Variants in MAD1L1 observed in about 807,000 individuals in gnomAD.
MAD1L1 encodes the protein mitotic arrest deficient 1 like 1, also known as mitotic spindle assembly checkpoint protein MAD1.
Under a neutral mutation model 96.9 loss-of-function variants are expected in MAD1L1, and 95 were observed. That is an observed-to-expected ratio of 0.98 (90% CI 0.83 to 1.16). The LOEUF (loss-of-function observed/expected upper bound fraction) is 1.16. Among genes scored for constraint, MAD1L1 ranks in the 50% most tolerant of loss-of-function variants. MAD1L1 has a pLI of 0.00. For missense variants in MAD1L1, 1,007 were observed against 954.4 expected, an observed-to-expected ratio of 1.06 and a Z score of -0.73; for synonymous variants, 473 against 396.6, an observed-to-expected ratio of 1.19 and a Z score of -2.29.
chr7:1,887,811 G>GCA (rs1471824097), intron 18 of MAD1L1, among the ~76,000 whole-genome samples: 8 of 76,642 alleles, frequency 1.0e-4, no homozygotes, highest in East Asian at 3.8e-4. Flanking sequence ...GGCTGCCTGT[G>GCA]TGTGTGTGCA....
At chr7:2,117,835 G>A (rs1359083958) in intron 11 of MAD1L1, among the ~76,000 whole-genome samples, 1 of 152,154 alleles carries the variant, frequency 6.6e-6, no homozygotes, top group Non-Finnish European at 1.5e-5. Context: ...GAGGACAGCA[G>A]CAGGAAGCAC....
At chr7:2,150,796 G>A (rs1274690647) in intron 10 of MAD1L1, among the ~76,000 whole-genome samples, 3 of 152,294 alleles carry the variant, frequency 2.0e-5, no homozygotes, top group South Asian at 2.1e-4. Flanking sequence ...CACAGAGCAC[G>A]CCACGGCCTT....
intron 11 of MAD1L1, among the ~76,000 whole-genome samples, chr7:2,077,758 G>C (rs1785447644): frequency 6.6e-6 from 1 of 152,200 alleles, no homozygotes; most frequent in African/African-American, 2.4e-5. Flanking sequence ...CCAGTGGACA[G>C]CCTGCCCTGC....
At chr7:1,827,504 G>C (rs1317963454) in intron 18 of MAD1L1, among the ~76,000 whole-genome samples, 4 of 141,532 alleles carry the variant, frequency 2.8e-5, no homozygotes, top group African/African-American at 5.3e-5. Flanking sequence ...CCCGTCCCGG[G>C]TGTGGGGTCC....
intron 11 of MAD1L1, among the ~76,000 whole-genome samples, chr7:2,092,202 T>C (rs1318818781): frequency 6.6e-6 from 1 of 152,256 alleles, no homozygotes. Flanking sequence ...TGTGGCCATG[T>C]CTCATGGTTG....
At chr7:1,980,858 A>C in intron 14 of MAD1L1, 3 of 461,182 alleles carry the variant, frequency 6.5e-6, no homozygotes, top group South Asian at 5.6e-5. Context: ...AGCACGCTCC[A>C]ACGCTGCCGT....
chr7:2,064,188 C>T (rs566021247), intron 12 of MAD1L1, among the ~76,000 whole-genome samples: 1 of 152,258 alleles, frequency 6.6e-6, no homozygotes, highest in African/African-American at 2.4e-5. Flanking sequence ...CTCAGGCAGC[C>T]GAGTGAATAC....
At chr7:1,874,813 A>G (rs1401517707) in intron 18 of MAD1L1, among the ~76,000 whole-genome samples, 1 of 151,870 alleles carries the variant, frequency 6.6e-6, no homozygotes, top group Non-Finnish European at 1.5e-5. Flanking sequence ...GATGGTAGAG[A>G]GGAGGGGCAG....
intron 18 of MAD1L1, among the ~76,000 whole-genome samples, chr7:1,858,363 C>T (rs1784360601): frequency 6.6e-6 from 1 of 152,230 alleles, no homozygotes. Context: ...GGATGAATGG[C>T]TTTTGTTTTT....
At chr7:2,084,996 A>G (rs1032875034) in intron 11 of MAD1L1, among the ~76,000 whole-genome samples, 1 of 152,200 alleles carries the variant, frequency 6.6e-6, no homozygotes, top group African/African-American at 2.4e-5. Context: ...GCCAAGGACT[A>G]TCATCATGTC....
At chr7:1,897,438 C>T (rs533561042) in intron 18 of MAD1L1, among the ~76,000 whole-genome samples, 21 of 152,306 alleles carry the variant, frequency 1.4e-4, no homozygotes, top group African/African-American at 4.1e-4. Context: ...GAGGTCATGC[C>T]GGGGCCACAA....
intron 11 of MAD1L1, among the ~76,000 whole-genome samples, chr7:2,074,909 G>A (rs974326097): frequency 6.6e-6 from 1 of 152,154 alleles, no homozygotes; most frequent in Admixed American, 6.5e-5. Context: ...AGCCGGGGAC[G>A]CTTCCAATGG....
At chr7:2,014,268 GGGACC>G (rs1782430785) in intron 13 of MAD1L1, among the ~76,000 whole-genome samples, 1 of 152,158 alleles carries the variant, frequency 6.6e-6, no homozygotes, top group Non-Finnish European at 1.5e-5. Flanking sequence ...CTTGCAGGCT[GGGACC>G]ACCTGAGACA....
chr7:2,173,293 C>A (rs1288169370), intron 10 of MAD1L1, among the ~76,000 whole-genome samples: 2 of 152,106 alleles, frequency 1.3e-5, no homozygotes, highest in Admixed American at 1.3e-4. Context: ...GCTCTGTGCT[C>A]CCACCACCCC....
intron 10 of MAD1L1, among the ~76,000 whole-genome samples, chr7:2,160,206 G>A (rs1790034537): frequency 6.6e-6 from 1 of 151,110 alleles, no homozygotes. Flanking sequence ...CTCCAGCCTG[G>A]GTGACAGACA....
At chr7:1,857,791 C>G (rs989729812) in intron 18 of MAD1L1, among the ~76,000 whole-genome samples, 1 of 152,240 alleles carries the variant, frequency 6.6e-6, no homozygotes, top group Non-Finnish European at 1.5e-5. Flanking sequence ...CACGACGCCC[C>G]CTCTGAGGCT....
chr7:2,229,733 G>A (rs755327014), intron 3 of MAD1L1, among the ~76,000 whole-genome samples: 3 of 152,244 alleles, frequency 2.0e-5, no homozygotes, highest in Non-Finnish European at 2.9e-5. Context: ...TTGTGTGAAC[G>A]CAATGCTGAG....
At chr7:2,102,504 CCACCATCACCACCATTCTCACGT>C (rs1416694184) in intron 11 of MAD1L1, among the ~76,000 whole-genome samples, 105 of 150,918 alleles carry the variant, frequency 7.0e-4, no homozygotes, top group African/African-American at 2.4e-3. Flanking sequence ...TCACCAATAA[CCACCATCACCACCATTCTCACGT>C]CACCATCACC....
intron 10 of MAD1L1, among the ~76,000 whole-genome samples, chr7:2,184,140 T>C (rs1480490220): frequency 6.6e-6 from 1 of 151,920 alleles, no homozygotes; most frequent in Non-Finnish European, 1.5e-5. Flanking sequence ...TAGTCCCAGC[T>C]ACTCGGGAGG....
Sources: allele counts gnomAD v4.1 joint callset (sites outside exome capture counted in the v4.1 genomes callset), GRCh38; gene constraint gnomAD v4.1.1; transcripts MANE v1.5; gene names NCBI Gene and HGNC (gene_info 2026-07-23, HGNC 2026-07-21).